Variants in ACAD9 observed in about 807,000 individuals in gnomAD.
ACAD9 encodes acyl-CoA dehydrogenase family member 9, also known as complex I assembly factor ACAD9, mitochondrial.
Under a neutral mutation model 70.2 loss-of-function variants are expected in ACAD9, and 53 were observed. That is an observed-to-expected ratio of 0.75 (90% confidence interval 0.61 to 0.95). The LOEUF (loss-of-function observed/expected upper bound fraction) is 0.95. Ranked by LOEUF, ACAD9 falls within the 40% of genes least tolerant of loss-of-function variation. The pLI, the probability that ACAD9 is intolerant of heterozygous loss-of-function variation, is 0.00. For missense variants in ACAD9, 777 were observed against 802.8 expected (o/e 0.97, Z 0.39); for synonymous variants, 313 against 312.1 (o/e 1.00, Z -0.03).
chr3:128,890,594 C>T (rs971182770), intron 2 of ACAD9, among the ~76,000 whole-genome samples: 3 of 151,600 alleles, frequency 2.0e-5, no homozygotes, highest in South Asian at 2.1e-4. Flanking sequence ...CCCAGCTACT[C>T]GGGAGGCTGA....
rs142397837 is a variant in ACAD9, at chr3:128,910,485, T to C, written c.1693-256T>C. Among the ~76,000 whole-genome samples, 1,683 of 152,294 alleles carry C rather than the reference T, an allele frequency of 0.011. 14 individuals carry two copies. Among genetic ancestry groups the C allele is most frequent in the Non-Finnish European group, 0.017 (1,157 of 68,024 alleles). ...TATACCAGGATCTCTGCCTGCACTT[T>C]CCAGAGCACCTGCAGATACCAGGAT... is the stretch of plus-strand genomic sequence containing the variant. On this transcript the variant is annotated intron_variant, in intron 16 of 17. Coordinates refer to ENST00000308982, the MANE Select transcript of ACAD9 (RefSeq NM_014049.5).
At chr3:128,899,594 A>C (rs137992130) in intron 7 of ACAD9, 133 bp downstream of exon 7, 7 of 1,042,212 alleles carry the variant, frequency 6.7e-6, no homozygotes, top group Middle Eastern at 3.1e-4. Flanking sequence ...ACTCTGTCCA[A>C]ATAGCAAGAT....
At chr3:128,893,890 C>G (rs933397527) in intron 3 of ACAD9, among the ~76,000 whole-genome samples, 1 of 152,128 alleles carries the variant, frequency 6.6e-6, no homozygotes, top group Non-Finnish European at 1.5e-5. Context: ...CAAGGCACAT[C>G]GAGGTGGGAG....
Position 128,906,151 on chromosome 3 carries a change from G to A in ACAD9, c.1180G>A (p.Val394Met). 1.9e-6 allele frequency: 3 copies of A among 1,614,232 alleles called. No homozygotes were observed. Among genetic ancestry groups the A allele is most frequent in the Non-Finnish European group, 2.5e-6 (3 of 1,180,050 alleles). Reference protein sequence around the residue: ...VFSSEAAWQCVSEALQILGGL... With the variant: ...VFSSEAAWQCMSEALQILGGL... ...CAGCTCCGAGGCCGCCTGGCAGTGT[G>A]TGAGTGAGGCGCTGCAGATCCTCGG... The change falls in exon 12 of 18, where the codon GTG (valine) becomes ATG (methionine). Residue 394 changes from valine to methionine, a missense_variant. Physicochemically the swap from Val to Met is conservative, Grantham distance 21. Coordinates refer to ENST00000308982, the MANE Select transcript of ACAD9 (RefSeq NM_014049.5).
intron 1 of ACAD9, among the ~76,000 whole-genome samples, chr3:128,881,760 C>T (rs1357474090): frequency 6.6e-6 from 1 of 152,200 alleles, no homozygotes; most frequent in African/African-American, 2.4e-5. Context: ...CTGTTCTCGC[C>T]ATTCTCTGAA....
intron 17 of ACAD9, among the ~76,000 whole-genome samples, chr3:128,911,175 G>A (rs1360762084): frequency 6.6e-6 from 1 of 152,170 alleles, no homozygotes; most frequent in Non-Finnish European, 1.5e-5. Context: ...TTCTGCCCCA[G>A]CCTCCCGAGT....
At chr3:128,910,713 A>G (rs778095534) in intron 16 of ACAD9, 28 bp from the exon 17 acceptor site, 1 of 1,613,718 alleles carries the variant, frequency 6.2e-7, no homozygotes, top group Non-Finnish European at 8.5e-7. Context: ...GAATTTGGGC[A>G]TATCTTTTCT....
chr3:128,884,737 A>G lies in ACAD9; in HGVS notation c.235A>G (p.Thr79Ala). 6.2e-7 allele frequency: 1 copy of G among 1,612,394 alleles called. No individual in the cohort carries two copies. ...CTTGGGACCCGTGGAAAAATTCTTC[A>G]CTGAAGAGGGTATGTATGGTTTTCT... ...QFLGPVEKFF[T>A]EEVDSRKIDQ... is the part of the protein sequence containing the mutation. The change falls in exon 2 of 18, where the codon ACT (threonine) becomes GCT (alanine). Residue 79 changes from threonine to alanine, a missense_variant. By Grantham distance (58) the Thr-to-Ala change is moderately conservative. Coordinates refer to ENST00000308982, the MANE Select transcript of ACAD9 (RefSeq NM_014049.5).
At chr3:128,909,802 T>C (rs1307178804) in intron 15 of ACAD9, 7 of 672,250 alleles carry the variant, frequency 1.0e-5, no homozygotes. Flanking sequence ...TGGGACCTGG[T>C]CTTGCCTTAA....
chr3:128,905,002 C>T (rs1293817678), intron 11 of ACAD9, among the ~76,000 whole-genome samples: 10 of 151,900 alleles, frequency 6.6e-5, no homozygotes, highest in Non-Finnish European at 1.5e-5. Flanking sequence ...AAAAATTAGC[C>T]GGGCATAGTG....
intron 7 of ACAD9, 50 bp from the exon 8 acceptor site, chr3:128,901,220 TCAGATG>T: frequency 1.3e-6 from 2 of 1,501,428 alleles, no homozygotes; most frequent in South Asian, 2.3e-5. Context: ...TGCTTGCAGG[TCAGATG>T]CAGAGTGGTT....
chr3:128,911,286 G>C (rs1351903642), intron 17 of ACAD9, among the ~76,000 whole-genome samples: 1 of 152,134 alleles, frequency 6.6e-6, no homozygotes, highest in Non-Finnish European at 1.5e-5. Context: ...TCCAACTCCT[G>C]ACCTCAGGTG....
chr3:128,894,810 C>T (rs1420536064), intron 3 of ACAD9, among the ~76,000 whole-genome samples: 3 of 151,848 alleles, frequency 2.0e-5, no homozygotes, highest in East Asian at 1.9e-4. Flanking sequence ...GCCGGGATTA[C>T]AGGCGTGAGC....
At chr3:128,881,750 CTG>C (rs1266904334) in intron 1 of ACAD9, among the ~76,000 whole-genome samples, 3 of 152,352 alleles carry the variant, frequency 2.0e-5, no homozygotes. Context: ...TTCTGAATCA[CTG>C]TTCTCGCCAT....
chr3:128,908,375 G>A (rs1055334187), intron 13 of ACAD9, 111 bp downstream of exon 13: 2 of 1,307,654 alleles, frequency 1.5e-6, no homozygotes, highest in African/African-American at 1.5e-5. Flanking sequence ...GGGCATGGGG[G>A]TGTGGCGCAG....
intron 1 of ACAD9, 87 bp from the exon 2 acceptor site, chr3:128,884,566 C>T: frequency 1.0e-6 from 1 of 968,948 alleles, no homozygotes; most frequent in East Asian, 2.7e-5. Context: ...GAGTGGAGCA[C>T]ATGTTTTTCC....
chr3:128,890,058 T>C (rs1376833472), intron 2 of ACAD9, among the ~76,000 whole-genome samples: 1 of 152,158 alleles, frequency 6.6e-6, no homozygotes, highest in African/African-American at 2.4e-5. Context: ...ACTCCTGGGC[T>C]CAGGTGATCT....
At chr3:128,899,130 T>C (rs568684525) in intron 6 of ACAD9, among the ~76,000 whole-genome samples, 157 bp from the exon 7 acceptor site, 1 of 152,198 alleles carries the variant, frequency 6.6e-6, no homozygotes, top group East Asian at 1.9e-4. Flanking sequence ...AGCCCTGTCC[T>C]CTATTCACTC....
In ACAD9 at chr3:128,895,378, A is replaced by G; in HGVS notation, c.415A>G (p.Thr139Ala). The change falls in exon 4 of 18, where the codon ACT (threonine) becomes GCT (alanine). Residue 139 changes from threonine to alanine, a missense_variant. Coordinates refer to ENST00000308982, the MANE Select transcript of ACAD9 (RefSeq NM_014049.5). Reference sequence around the variant, plus strand: ...GATCATCAGCATGGATGGGTCCATCACTGTGACCCTGGCAGCGCACCAGGC... The same window carrying G: ...GATCATCAGCATGGATGGGTCCATCGCTGTGACCCTGGCAGCGCACCAGGC... The part of the protein sequence containing the change: ...GEIISMDGSI[T>A]VTLAAHQAIG... 3 of 1,612,680 alleles carry G rather than the reference A, an allele frequency of 1.9e-6. No homozygotes were observed. The highest frequency in any genetic ancestry group is 2.5e-6 in the Non-Finnish European group (3 of 1,179,400).
Sources: allele counts gnomAD v4.1 joint callset (sites outside exome capture counted in the v4.1 genomes callset), GRCh38; gene constraint gnomAD v4.1.1; transcripts MANE v1.5; gene names NCBI Gene and HGNC (gene_info 2026-07-23, HGNC 2026-07-21).